DOCK3: variants seen among roughly 807,000 people sequenced by gnomAD.
DOCK3 encodes dedicator of cytokinesis 3.
DOCK3 carries 60 observed loss-of-function variants against 265.6 expected under a neutral mutation model. The observed-to-expected ratio is 0.23, with a 90% CI of 0.18 to 0.28. The LOEUF (loss-of-function observed/expected upper bound fraction) is 0.28, where lower values mean the gene tolerates loss of function less well. Ranked by LOEUF, DOCK3 falls within the 10% of genes least tolerant of loss-of-function variation. The pLI, the probability that DOCK3 is intolerant of heterozygous loss-of-function variation, is 1.00. For missense variants in DOCK3, 1,981 were observed against 2,594.3 expected, an observed-to-expected ratio of 0.76 and a Z score of 5.14; for synonymous variants, 881 against 938.0, an observed-to-expected ratio of 0.94 and a Z score of 1.11.
At position 51,270,893 on chromosome 3, in the gene DOCK3, G is replaced by T. The variant is rs1400590317; in HGVS notation, c.2434G>T (p.Val812Leu). ...MFTVQEVAEF[V>L]RGTLGSMPST... Reference sequence around the variant, plus strand: ...CACCGTGCAAGAGGTGGCAGAGTTTGTGAGAGGGACACTGGGGAGCATGCC... The same window carrying T: ...CACCGTGCAAGAGGTGGCAGAGTTTTTGAGAGGGACACTGGGGAGCATGCC... Residue 812 changes from valine to leucine, a missense_variant, in exon 24 of 53, where the codon GTG (valine) becomes TTG (leucine). By Grantham distance (32) the Val-to-Leu change is conservative. This residue lies in a region of DOCK3 where 1,357 missense variants were observed against 1,866.8 expected (regional missense o/e 0.73). Transcript: ENST00000266037. 8 of 1,614,062 alleles carry T rather than the reference G, an allele frequency of 5.0e-6. No individual in the cohort carries two copies. Among genetic ancestry groups the T allele is most frequent in the Non-Finnish European group, 6.8e-6 (8 of 1,179,898 alleles).
chr3:51,113,729 G>A (rs1160150333), intron 9 of DOCK3, among the ~76,000 whole-genome samples: 5 of 152,118 alleles, frequency 3.3e-5, no homozygotes. Flanking sequence ...ATTCTGCAGT[G>A]CCCAGTAGTT....
chr3:51,309,641 GC>G (rs1305358080), intron 27 of DOCK3, among the ~76,000 whole-genome samples: 1 of 145,854 alleles, frequency 6.9e-6, no homozygotes, highest in East Asian at 2.0e-4. Context: ...GAGAGCGAGA[GC>G]GAGAGCGAGA....
intron 5 of DOCK3, among the ~76,000 whole-genome samples, chr3:51,024,788 G>C (rs1007184850): frequency 2.0e-5 from 3 of 152,202 alleles, no homozygotes; most frequent in African/African-American, 7.2e-5. Context: ...ATGTGACATA[G>C]ACTCTGAGAT....
In DOCK3 at chr3:51,365,521, A is replaced by G. The variant is rs1202728047; in HGVS notation, c.5293+2847A>G. ...TGCCCTGGCCAGAACTTCCAACACTATGTTGAATAGGAGTGGTGAGAGAGG... is the reference window on the plus strand; with the variant it reads ...TGCCCTGGCCAGAACTTCCAACACTGTGTTGAATAGGAGTGGTGAGAGAGG... On this transcript the variant is annotated intron_variant, in intron 49 of 52. Coordinates refer to ENST00000266037, the MANE Select transcript of DOCK3 (RefSeq NM_004947.5). 5.3e-5 allele frequency among the ~76,000 whole-genome samples: 8 copies of G among 152,154 alleles called. No individual in the cohort carries two copies. In the South Asian group the frequency reaches 8.3e-4, roughly 16 times the overall value.
chr3:50,924,913 C>T (rs1052465478), intron 4 of DOCK3, among the ~76,000 whole-genome samples: 2 of 152,220 alleles, frequency 1.3e-5, no homozygotes, highest in Non-Finnish European at 2.9e-5. Context: ...CAAGATAATT[C>T]ACTCAGGTGA....
At chr3:50,686,528 T>G (rs6446209) in intron 1 of DOCK3, among the ~76,000 whole-genome samples, 149,259 of 152,336 alleles carry the variant, frequency 0.98, 73,211 homozygotes, top group Middle Eastern at 1. Flanking sequence ...TTTTGTGGTT[T>G]GGAAGTAATG....
intron 27 of DOCK3, among the ~76,000 whole-genome samples, chr3:51,306,586 T>C (rs967723601): frequency 6.6e-6 from 1 of 152,236 alleles, no homozygotes; most frequent in Non-Finnish European, 1.5e-5. Context: ...TGTTCATTTG[T>C]CTTCATTCTT....
intron 1 of DOCK3, among the ~76,000 whole-genome samples, chr3:50,717,268 C>T (rs947539407): frequency 1.6e-4 from 25 of 152,220 alleles, no homozygotes; most frequent in Admixed American, 3.9e-4. Context: ...GATAAAGTTA[C>T]AGATGTTGGA....
At chr3:50,774,328 A>G (rs528244789) in intron 1 of DOCK3, among the ~76,000 whole-genome samples, 4 of 152,038 alleles carry the variant, frequency 2.6e-5, no homozygotes, top group African/African-American at 9.6e-5. Flanking sequence ...ATATTTTTAC[A>G]CTATTGAGTT....
intron 1 of DOCK3, among the ~76,000 whole-genome samples, chr3:50,747,680 A>C (rs2039530250): frequency 6.6e-6 from 1 of 152,166 alleles, no homozygotes; most frequent in African/African-American, 2.4e-5. Context: ...CCTGGCCAGC[A>C]TGGTGAAACC....
At chr3:50,889,068 T>TGG (rs1412243151) in intron 3 of DOCK3, among the ~76,000 whole-genome samples, 2 of 41,208 alleles carry the variant, frequency 4.9e-5, no homozygotes, top group Admixed American at 2.7e-4. Context: ...AAGCCATGGG[T>TGG]GTGTGTGTGT....
chr3:51,049,924 TAAAG>T (rs1206221881), intron 5 of DOCK3, among the ~76,000 whole-genome samples: 1 of 151,742 alleles, frequency 6.6e-6, no homozygotes, highest in Non-Finnish European at 1.5e-5. Flanking sequence ...TGTGTACTGA[TAAAG>T]AAATATTTGA....
intron 12 of DOCK3, among the ~76,000 whole-genome samples, chr3:51,180,066 G>C (rs1393224562): frequency 1.3e-5 from 2 of 151,968 alleles, no homozygotes; most frequent in African/African-American, 4.8e-5. Flanking sequence ...ACATTAGCCA[G>C]GCGTGGTGGC....
chr3:50,693,708 TG>T (rs2035413361), intron 1 of DOCK3, among the ~76,000 whole-genome samples: 1 of 151,562 alleles, frequency 6.6e-6, no homozygotes, highest in South Asian at 2.1e-4. Flanking sequence ...GCTAGTTTTT[TG>T]TATTTTTGGT....
chr3:51,362,377 C>G (rs950640066), intron 48 of DOCK3, 150 bp from the exon 49 acceptor site: 1 of 1,076,378 alleles, frequency 9.3e-7, no homozygotes, highest in Non-Finnish European at 1.3e-6. Flanking sequence ...CCCTAGTTGC[C>G]CAGCCATTAG....
At chr3:51,041,181 T>A (rs1267437572) in intron 5 of DOCK3, among the ~76,000 whole-genome samples, 1 of 13,320 alleles carries the variant, frequency 7.5e-5, no homozygotes, top group Non-Finnish European at 1.6e-4. Flanking sequence ...TATATATATA[T>A]ATATATATAT....
rs1234004593 is a variant in DOCK3, at chr3:51,148,773, A to G, written c.828+2143A>G. 3.3e-5 allele frequency among the ~76,000 whole-genome samples: 5 copies of G among 152,170 alleles called. No homozygotes were observed. The East Asian group carries it at 7.7e-4, about 24-fold the overall frequency. ...TTGTAGTATAGTTTGAAGTCAGGTA[A>G]TGTGATGCCTCCAGCTTTGTTCTTT... is the stretch of plus-strand genomic sequence containing the variant. On this transcript the variant is annotated intron_variant, in intron 10 of 52. Transcript: ENST00000266037.
intron 1 of DOCK3, among the ~76,000 whole-genome samples, chr3:50,724,886 G>C (rs1210992830): frequency 6.6e-6 from 1 of 152,004 alleles, no homozygotes. Flanking sequence ...CTAGCCACTC[G>C]GGAGGCTGAG....
At chr3:51,069,562 ATATATGTGTG>A (rs1378099430) in intron 6 of DOCK3, among the ~76,000 whole-genome samples, 2 of 150,696 alleles carry the variant, frequency 1.3e-5, no homozygotes, top group Non-Finnish European at 2.9e-5. Context: ...ATGTGTGTAT[ATATATGTGTG>A]TATATGTGTG....
Sources: gnomAD v4.1 joint callset for allele counts (sites outside exome capture counted in the v4.1 genomes callset) on GRCh38, gnomAD v4.1.1 for gene constraint, gnomAD v4.1.1 regional missense constraint, MANE v1.5 for transcripts, NCBI Gene and HGNC (gene_info 2026-07-23, HGNC 2026-07-21) for gene names.